CUX1: variants seen among roughly 807,000 people sequenced by gnomAD.
The protein encoded by CUX1 is protein CASP.
A neutral mutation model predicts 158.8 loss-of-function variants in CUX1; 31 were observed. The observed-to-expected ratio is 0.20, with a 90% CI of 0.15 to 0.26. The LOEUF (loss-of-function observed/expected upper bound fraction) is 0.26, where lower values mean the gene tolerates loss of function less well. CUX1 is among the 10% of genes least tolerant of loss of function. CUX1 has a pLI of 1.00. For missense variants in CUX1, 1,589 were observed against 2,014.6 expected, an observed-to-expected ratio of 0.79 and a Z score of 4.04; for synonymous variants, 879 against 862.1, an observed-to-expected ratio of 1.02 and a Z score of -0.34.
At chr7:102,191,595 C>T (rs1236355929) in intron 12 of CUX1, among the ~76,000 whole-genome samples, 1 of 152,138 alleles carries the variant, frequency 6.6e-6, no homozygotes, top group Admixed American at 6.6e-5. Flanking sequence ...CTCTTCTTCC[C>T]TCTTCCAAAA....
intron 2 of CUX1, among the ~76,000 whole-genome samples, chr7:102,018,794 C>T (rs947588320): frequency 6.6e-6 from 1 of 152,184 alleles, no homozygotes; most frequent in Non-Finnish European, 1.5e-5. Context: ...GACATGAAAG[C>T]TGAGGAGTCT....
At chr7:101,944,560 A>G (rs887317261) in intron 2 of CUX1, among the ~76,000 whole-genome samples, 4 of 152,194 alleles carry the variant, frequency 2.6e-5, no homozygotes, top group African/African-American at 9.7e-5. Context: ...AGATGAGGGA[A>G]GTGGGGATCT....
At chr7:101,937,778 G>C (rs1471945982) in intron 2 of CUX1, among the ~76,000 whole-genome samples, 1 of 152,186 alleles carries the variant, frequency 6.6e-6, no homozygotes, top group Non-Finnish European at 1.5e-5. Context: ...CTCCCAAAGT[G>C]CTGGGATTAC....
intron 11 of CUX1, among the ~76,000 whole-genome samples, chr7:102,188,166 TC>T (rs1363884849): frequency 1.3e-5 from 2 of 151,232 alleles, no homozygotes; most frequent in Non-Finnish European, 2.9e-5. Context: ...ACCACTGCAC[TC>T]CAGCCTGGGT....
At chr7:101,894,441 G>C (rs62463734) in intron 1 of CUX1, among the ~76,000 whole-genome samples, 1 of 152,102 alleles carries the variant, frequency 6.6e-6, no homozygotes, top group Admixed American at 6.5e-5. Context: ...CTCCCAAGAC[G>C]CTGGGATTAC....
At chr7:102,181,585 T>A (rs1554514003) in intron 11 of CUX1, among the ~76,000 whole-genome samples, 2 of 152,248 alleles carry the variant, frequency 1.3e-5, no homozygotes, top group African/African-American at 4.8e-5. Context: ...GGGGAATTGT[T>A]TAATACCGTG....
downstream of CUX1, among the ~76,000 whole-genome samples, chr7:102,263,193 T>C (rs938896671): frequency 9.3e-5 from 14 of 150,938 alleles, no homozygotes; most frequent in African/African-American, 3.4e-4. Flanking sequence ...TTTGTATTTT[T>C]AGTAGAGACA....
chr7:101,857,747 T>G (rs969095781), intron 1 of CUX1, among the ~76,000 whole-genome samples: 3 of 143,374 alleles, frequency 2.1e-5, no homozygotes, highest in African/African-American at 8.2e-5. Flanking sequence ...GAGCTTTGTT[T>G]CGTTTTATTT....
intron 4 of CUX1, among the ~76,000 whole-genome samples, chr7:102,075,548 A>G (rs1243995603): frequency 6.6e-6 from 1 of 152,254 alleles, no homozygotes; most frequent in Non-Finnish European, 1.5e-5. Context: ...CATGTGGCAG[A>G]AACTCCATAA....
chr7:102,250,770 G>A lies in CUX1; in HGVS notation c.*1728G>A, dbSNP rs1395591339. ...TGTGTATATGCGTGAGAATAGAGGC[G>A]GGTGAGAGTGTGCGTGCGTGTGCGT... On this transcript the variant is annotated 3_prime_UTR_variant, in exon 24 of 24. Transcript: ENST00000292535. The A allele has an allele frequency of 8.1e-6, 8 of 985,304 alleles. No homozygotes were observed. The highest frequency in any genetic ancestry group is 9.6e-6 in the Non-Finnish European group (8 of 829,948). 61.0% of individuals were successfully genotyped at this position (985,304 alleles called of 1,614,324 possible). A position where few individuals can be genotyped will look rare whatever the true frequency, so the allele number is the denominator to read the frequency against.
intron 8 of CUX1, among the ~76,000 whole-genome samples, chr7:102,145,258 T>A (rs1554501685): frequency 6.6e-6 from 1 of 152,016 alleles, no homozygotes; most frequent in Non-Finnish European, 1.5e-5. Flanking sequence ...CCAGAAAAGA[T>A]TCTCCACCCC....
chr7:102,280,755 G>C (rs1554549026), intron 19 of CUX1: 19 of 1,587,978 alleles, frequency 1.2e-5, no homozygotes, highest in Non-Finnish European at 1.6e-5. Flanking sequence ...ACAAGCCAGG[G>C]CCTGTGAGGT....
At chr7:101,821,622 G>A (rs1030306406) in intron 1 of CUX1, among the ~76,000 whole-genome samples, 6 of 148,722 alleles carry the variant, frequency 4.0e-5, no homozygotes, top group African/African-American at 7.4e-5. Context: ...ACAGGCGTGA[G>A]CCACCGTGCC....
chr7:101,897,665 C>A (rs1801665225), intron 1 of CUX1, among the ~76,000 whole-genome samples: 1 of 152,170 alleles, frequency 6.6e-6, no homozygotes. Context: ...TGTTTTCACA[C>A]CCAGCTTCAA....
intron 3 of CUX1, among the ~76,000 whole-genome samples, chr7:102,046,415 T>C (rs1563172053): frequency 6.6e-6 from 1 of 152,040 alleles, no homozygotes; most frequent in African/African-American, 2.4e-5. Flanking sequence ...ATATGTTTAG[T>C]AGAGACAGGG....
At chr7:101,877,887 T>A (rs1447994863) in intron 1 of CUX1, among the ~76,000 whole-genome samples, 2 of 152,136 alleles carry the variant, frequency 1.3e-5, no homozygotes, top group African/African-American at 4.8e-5. Flanking sequence ...TTTGGGTTGC[T>A]TCCTTGAAGA....
At chr7:102,104,666 T>C (rs1341131037) in intron 6 of CUX1, among the ~76,000 whole-genome samples, 3 of 151,990 alleles carry the variant, frequency 2.0e-5, no homozygotes, top group Non-Finnish European at 4.4e-5. Context: ...CCGAGGTGGG[T>C]GGATCATGAG....
At chr7:101,945,287 C>T (rs1167043683) in intron 2 of CUX1, among the ~76,000 whole-genome samples, 1 of 152,202 alleles carries the variant, frequency 6.6e-6, no homozygotes, top group African/African-American at 2.4e-5. Context: ...TCGACACCTC[C>T]ACTGTCATTT....
chr7:102,233,033 T>C (rs924221864), intron 21 of CUX1, among the ~76,000 whole-genome samples: 3 of 152,136 alleles, frequency 2.0e-5, no homozygotes, highest in African/African-American at 7.2e-5. Flanking sequence ...GAGACGCAGG[T>C]TGCCCTCTGA....
Sources: allele counts gnomAD v4.1 joint callset (sites outside exome capture counted in the v4.1 genomes callset), GRCh38; gene constraint gnomAD v4.1.1; transcripts MANE v1.5; gene names NCBI Gene and HGNC (gene_info 2026-07-23, HGNC 2026-07-21).